VKORC1L1: variants seen among roughly 807,000 people sequenced by gnomAD.
VKORC1L1 encodes vitamin K epoxide reductase complex subunit 1L1.
Under a neutral mutation model 18.9 loss-of-function variants are expected in VKORC1L1, and 2 were observed. The ratio of observed to expected loss-of-function variants is 0.11; its 90% CI spans 0.04 to 0.33. The LOEUF is 0.33. Among genes scored for constraint, VKORC1L1 ranks in the 10% least tolerant of loss-of-function variants. VKORC1L1 has a pLI of 1.00. For missense variants in VKORC1L1, 123 were observed against 224.1 expected (o/e 0.55, Z 2.88); for synonymous variants, 96 against 100.0 (o/e 0.96, Z 0.24).
rs529690116 is a variant in VKORC1L1 at position 65,898,275 on chromosome 7, C to T, written c.194+24710C>T. Among the ~76,000 whole-genome samples, 9 of 151,652 alleles carry T rather than the reference C, an allele frequency of 5.9e-5. 1 individual carries two copies. The highest frequency in any genetic ancestry group is 3.4e-3 in the Middle Eastern group (1 of 294). On this transcript the variant is annotated intron_variant, in intron 1 of 2. Coordinates refer to ENST00000360768, the MANE Select transcript of VKORC1L1 (RefSeq NM_173517.6). Reference sequence around the variant, plus strand: ...CTAATTTTTGTATTTTTAGTAGAGACGGGGTTTCACCATCTTGCCAGGCTG... The same window carrying T: ...CTAATTTTTGTATTTTTAGTAGAGATGGGGTTTCACCATCTTGCCAGGCTG...
At chr7:65,926,666 G>A (rs1012633593) in intron 1 of VKORC1L1, among the ~76,000 whole-genome samples, 2 of 152,290 alleles carry the variant, frequency 1.3e-5, no homozygotes, top group South Asian at 4.1e-4. Context: ...GTTTATAGCA[G>A]CACAATTCAC....
At chr7:65,894,544 C>T (rs1374519621) in intron 1 of VKORC1L1, among the ~76,000 whole-genome samples, 5 of 151,840 alleles carry the variant, frequency 3.3e-5, no homozygotes, top group African/African-American at 1.2e-4. Context: ...CTGGCTAACA[C>T]GGTGAAACCC....
chr7:65,921,963 A>G (rs1416356019), intron 1 of VKORC1L1, among the ~76,000 whole-genome samples: 1 of 152,122 alleles, frequency 6.6e-6, no homozygotes, highest in Non-Finnish European at 1.5e-5. Flanking sequence ...CTGTGATTAC[A>G]GGCATGAGCC....
rs189171546 is a variant in VKORC1L1 at position 65,881,506 on chromosome 7, G to T, written c.194+7941G>T. Among the ~76,000 whole-genome samples the T allele has an allele frequency of 5.2e-3, 790 of 152,290 alleles. 6 individuals are homozygous for T. Among genetic ancestry groups the T allele is most frequent in the African/African-American group, 0.018 (729 of 41,572 alleles). On this transcript the variant is annotated intron_variant, in intron 1 of 2. Transcript: ENST00000360768. The stretch of plus-strand genomic sequence containing the variant: ...AGGAGTTAGGAATGGGAGGTGAGGG[G>T]TGGTGTGGTTATAAAGTGGTAGCAT...
intron 1 of VKORC1L1, among the ~76,000 whole-genome samples, chr7:65,926,554 C>T (rs1305496405): frequency 6.6e-6 from 1 of 152,122 alleles, no homozygotes; most frequent in Non-Finnish European, 1.5e-5. Flanking sequence ...TCTTAAAGAA[C>T]TAAAAGTAGA....
chr7:65,918,248 GA>G (rs1400450518), intron 1 of VKORC1L1, among the ~76,000 whole-genome samples: 3 of 152,124 alleles, frequency 2.0e-5, no homozygotes. Context: ...CCTAAAAAGG[GA>G]AACATTGCCT....
rs374961625 is a variant in VKORC1L1, at chr7:65,873,476, C to A, written c.105C>A (p.His35Gln). 14 of 1,596,996 alleles carry A rather than the reference C, an allele frequency of 8.8e-6. No individual in the cohort carries two copies. The East Asian group carries it at 1.4e-4, about 16-fold the overall frequency. The change falls in exon 1 of 3, where the codon CAC becomes CAA. Residue 35 changes from histidine to glutamine, a missense_variant. Around this residue, in one of 4 missense-constraint regions of VKORC1L1, gnomAD observed 60 missense variants for 76.9 expected, o/e 0.78. Transcript: ENST00000360768. The stretch of plus-strand genomic sequence containing the variant: ...TCCTGCTCTCCATCTACGCCTACCA[C>A]GTGGAGCGGGAGAAGGAGCGGGACC... ...AGILLSIYAY[H>Q]VEREKERDPE...
chr7:65,904,628 G>GCT (rs903131942), intron 1 of VKORC1L1, among the ~76,000 whole-genome samples: 1 of 152,148 alleles, frequency 6.6e-6, no homozygotes, highest in Non-Finnish European at 1.5e-5. Context: ...AAGAGGTATA[G>GCT]CTAATAAACT....
At chr7:65,881,168 T>A (rs1292328624) in intron 1 of VKORC1L1, among the ~76,000 whole-genome samples, 2 of 152,210 alleles carry the variant, frequency 1.3e-5, no homozygotes, top group Non-Finnish European at 2.9e-5. Context: ...TGTATTAGAT[T>A]CCCAGTTTTC....
In VKORC1L1 at chr7:65,946,891, T is replaced by A. The variant is rs142765802; in HGVS notation, c.195-1780T>A. On this transcript the variant is annotated intron_variant, in intron 1 of 2. Transcript: ENST00000360768. ...TAGCTCAGCCTGTAATCCCAGCACT[T>A]TGGGAGGCCAAGGTGGGAGGATTGC... Among the ~76,000 whole-genome samples, 233 of 152,134 alleles carry A rather than the reference T, an allele frequency of 1.5e-3. 1 individual carries two copies. The highest frequency in any genetic ancestry group is 5.4e-3 in the African/African-American group (226 of 41,488).
At chr7:65,883,135 G>C (rs1319452456) in intron 1 of VKORC1L1, among the ~76,000 whole-genome samples, 2 of 136,600 alleles carry the variant, frequency 1.5e-5, no homozygotes, top group Admixed American at 7.3e-5. Context: ...ATACATTTGA[G>C]CTTTTTTTTT....
At chr7:65,891,659 T>G (rs1398294380) in intron 1 of VKORC1L1, among the ~76,000 whole-genome samples, 3 of 152,196 alleles carry the variant, frequency 2.0e-5, no homozygotes, top group Non-Finnish European at 2.9e-5. Context: ...ATTTTTTTTA[T>G]TTTTGTTTTT....
At chr7:65,936,797 G>T (rs954215111) in intron 1 of VKORC1L1, among the ~76,000 whole-genome samples, 1 of 152,116 alleles carries the variant, frequency 6.6e-6, no homozygotes, top group Non-Finnish European at 1.5e-5. Flanking sequence ...AGAAAGATGG[G>T]TTTCTCTCAG....
chr7:65,895,894 CTTTTTTTTT>C (rs899804086), intron 1 of VKORC1L1, among the ~76,000 whole-genome samples: 3 of 113,280 alleles, frequency 2.6e-5, no homozygotes, highest in African/African-American at 7.1e-5. Context: ...TATCTCACTT[CTTTTTTTTT>C]TTTTTTTTTT....
At chr7:65,883,308 A>AT (rs1007604968) in intron 1 of VKORC1L1, among the ~76,000 whole-genome samples, 2 of 151,074 alleles carry the variant, frequency 1.3e-5, no homozygotes, top group African/African-American at 4.9e-5. Context: ...TGCCTGGCTG[A>AT]TTTTTTGTGT....
chr7:65,957,405 C>G lies in VKORC1L1; in HGVS notation c.*3105C>G, dbSNP rs1134250. On this transcript the variant is annotated 3_prime_UTR_variant, in exon 3 of 3. Transcript: ENST00000360768. ...CTGAGGGAGGAGAATTGCTTGAGCC[C>G]GGGAGACAGAGGTTGCAGTGAGTCA... 6.6e-6 allele frequency: 1 copy of G among 151,900 alleles called. No homozygotes were observed. Among genetic ancestry groups the G allele is most frequent in the South Asian group, 2.1e-4 (1 of 4,814 alleles). 9.4% of individuals were successfully genotyped at this position (151,900 alleles called of 1,614,324 possible). A position where few individuals can be genotyped will look rare whatever the true frequency, so the allele number is the denominator to read the frequency against.
rs551206767 is a variant in VKORC1L1 at position 65,879,492 on chromosome 7, C to T, written c.194+5927C>T. On this transcript the variant is annotated intron_variant, in intron 1 of 2. Transcript: ENST00000360768. ...TTTTGCATACATTATTGAAGTCTCT[C>T]AAGAGTCCCATGAGGCAGGTAGCTT... 2.6e-5 allele frequency among the ~76,000 whole-genome samples: 4 copies of T among 152,308 alleles called. 1 individual carries two copies. The South Asian group carries it at 8.3e-4, about 32-fold the overall frequency.
chr7:65,878,821 T>G (rs1358536171), intron 1 of VKORC1L1, among the ~76,000 whole-genome samples: 1 of 152,040 alleles, frequency 6.6e-6, no homozygotes, highest in Non-Finnish European at 1.5e-5. Context: ...GGCAGGAGAA[T>G]CACTTGAACC....
chr7:65,880,762 A>G (rs527686183), intron 1 of VKORC1L1, among the ~76,000 whole-genome samples: 24 of 152,334 alleles, frequency 1.6e-4, no homozygotes, highest in African/African-American at 4.1e-4. Context: ...TGAATGTAAC[A>G]TATTCAACTG....
Sources: allele counts gnomAD v4.1 joint callset (sites outside exome capture counted in the v4.1 genomes callset), GRCh38; gene constraint gnomAD v4.1.1; regional missense constraint gnomAD v4.1.1; transcripts MANE v1.5; gene names NCBI Gene and HGNC (gene_info 2026-07-23, HGNC 2026-07-21).